The following DDX50 variants were observed in gnomAD, a reference collection of about 807,000 sequenced individuals.
DDX50 encodes DExD-box helicase 50, also known as ATP-dependent RNA helicase DDX50.
Under a neutral mutation model 94.8 loss-of-function variants are expected in DDX50, and 56 were observed. The ratio of observed to expected loss-of-function variants is 0.59; its 90% CI spans 0.48 to 0.74. The LOEUF (loss-of-function observed/expected upper bound fraction) is 0.74, where lower values mean the gene tolerates loss of function less well. DDX50 is among the 30% of genes least tolerant of loss of function. The probability of loss-of-function intolerance (pLI) is 0.00; values close to 1 mark genes in which losing one functional copy is unlikely to be tolerated. For synonymous variants in DDX50, 264 were observed against 295.4 expected (o/e 0.89, Z 1.09); for missense variants, 713 against 881.2 (o/e 0.81, Z 2.42).
At chr10:68,929,809 C>T (rs568351404) in intron 8 of DDX50, among the ~76,000 whole-genome samples, 1 of 150,766 alleles carries the variant, frequency 6.6e-6, no homozygotes, top group South Asian at 2.1e-4. Context: ...TCACTGAAAC[C>T]TCCGTCCTCT....
intron 4 of DDX50, among the ~76,000 whole-genome samples, chr10:68,912,163 A>G (rs1841642723): frequency 6.6e-6 from 1 of 152,132 alleles, no homozygotes; most frequent in African/African-American, 2.4e-5. Flanking sequence ...AAAAGACTGA[A>G]ATAGGACATA....
chr10:68,939,867 C>T, intron 12 of DDX50, among the ~76,000 whole-genome samples: 1 of 126,198 alleles, frequency 7.9e-6, no homozygotes, highest in Non-Finnish European at 1.6e-5. Flanking sequence ...ACCCCACATA[C>T]AGGTGTAGGT....
chr10:68,921,679 A>G (rs1277283376), intron 8 of DDX50, among the ~76,000 whole-genome samples: 1 of 152,184 alleles, frequency 6.6e-6, no homozygotes, highest in African/African-American at 2.4e-5. Flanking sequence ...TTCCTGAGAA[A>G]GGGCTTATGG....
chr10:68,935,825 ACT>A (rs1219776455), intron 10 of DDX50, among the ~76,000 whole-genome samples, 179 bp from the exon 11 acceptor site: 1 of 152,164 alleles, frequency 6.6e-6, no homozygotes, highest in African/African-American at 2.4e-5. Flanking sequence ...ACAGAGCAAG[ACT>A]CTGTGTCAAA....
At chr10:68,908,848 G>A (rs1432519210) in intron 2 of DDX50, among the ~76,000 whole-genome samples, 1 of 151,948 alleles carries the variant, frequency 6.6e-6, no homozygotes, top group Non-Finnish European at 1.5e-5. Flanking sequence ...CATTCACTAT[G>A]TTGCCCAGAC....
In DDX50 at chr10:68,934,763, A is replaced by G. The variant is rs761377520; in HGVS notation, c.1402-36A>G. Reference sequence around the variant, plus strand: ...GATTCCGGAATGACTGCAACTTGCTAGATTTTTAAAAAATATTACCTTTTA... The same window carrying G: ...GATTCCGGAATGACTGCAACTTGCTGGATTTTTAAAAAATATTACCTTTTA... On this transcript the variant is annotated intron_variant, in intron 9 of 14. Transcript: ENST00000373585. The surrounding 1 kb of genome is among the most constrained non-coding windows in gnomAD (Gnocchi z 4.0). The G allele has an allele frequency of 1.3e-6, 2 of 1,563,634 alleles. No homozygotes were observed. Among genetic ancestry groups the G allele is most frequent in the Admixed American group, 2.1e-5 (1 of 48,322 alleles).
intron 1 of DDX50, among the ~76,000 whole-genome samples, 165 bp from the exon 2 acceptor site, chr10:68,906,546 A>T (rs1276136392): frequency 6.6e-6 from 1 of 152,212 alleles, no homozygotes; most frequent in African/African-American, 2.4e-5. Flanking sequence ...GCAACAGTTG[A>T]GGCTTAGAGC....
At chr10:68,939,439 T>A (rs1286561861) in intron 12 of DDX50, among the ~76,000 whole-genome samples, 1 of 152,200 alleles carries the variant, frequency 6.6e-6, no homozygotes, top group African/African-American at 2.4e-5. Flanking sequence ...TTAGTGGCTT[T>A]AAATTTCTTT....
chr10:68,901,334 C>T lies in DDX50; in HGVS notation c.-51C>T, dbSNP rs751546108. The T allele has an allele frequency of 1.4e-6, 2 of 1,481,052 alleles. No individual in the cohort carries two copies. Among genetic ancestry groups the T allele is most frequent in the Non-Finnish European group, 1.8e-6 (2 of 1,106,224 alleles). The allele number at this position is 1,481,052 out of a possible 1,614,324, so 91.7% of individuals were successfully genotyped here. A position where few individuals can be genotyped will look rare whatever the true frequency, so the allele number is the denominator to read the frequency against. On this transcript the variant is annotated 5_prime_UTR_variant, in exon 1 of 15. Transcript: ENST00000373585. ...CCGCTTCCTTTCACGCTGTCGCTGC[C>T]CGTAGGTGGTTGTGGCCACTGTGCC...
rs1261998646 is a variant in DDX50 at position 68,931,432 on chromosome 10, A to ACACACACACACACACACAC, written c.1240-2767_1240-2766insCACACACACACACACACAC. On this transcript the variant is annotated intron_variant, in intron 8 of 14. Transcript: ENST00000373585. The stretch of plus-strand genomic sequence containing the variant: ...ATATGTATATATATATATATACACA[A>ACACACACACACACACACAC]ACACACACACACACAATTTTTTTTT... 6.9e-3 allele frequency among the ~76,000 whole-genome samples: 426 copies of ACACACACACACACACACAC among 61,376 alleles called. 7 individuals are homozygous for ACACACACACACACACACAC. Among genetic ancestry groups the ACACACACACACACACACAC allele is most frequent in the South Asian group, 0.022 (42 of 1,906 alleles). 40.3% of individuals were successfully genotyped at this position (61,376 alleles called of 152,430 possible).
At chr10:68,942,128 GTAGT>G (rs1842568056) in intron 13 of DDX50, among the ~76,000 whole-genome samples, 1 of 152,184 alleles carries the variant, frequency 6.6e-6, no homozygotes, top group African/African-American at 2.4e-5. Flanking sequence ...TATGATTGCA[GTAGT>G]TAAACAGCTC....
chr10:68,928,190 C>A (rs954654367), intron 8 of DDX50, among the ~76,000 whole-genome samples: 5 of 151,890 alleles, frequency 3.3e-5, no homozygotes, highest in African/African-American at 1.2e-4. Flanking sequence ...TGGGACACAC[C>A]TGTGGTCCAA....
At chr10:68,916,655 T>A (rs1171278804) in intron 7 of DDX50, among the ~76,000 whole-genome samples, 1 of 152,198 alleles carries the variant, frequency 6.6e-6, no homozygotes, top group African/African-American at 2.4e-5. Flanking sequence ...AAGGGCTCTT[T>A]AAAACCACAG....
Position 68,913,474 on chromosome 10 carries a change from C to G in DDX50, c.841C>G (p.Leu281Val), listed in dbSNP as rs1424422442. 1.2e-6 allele frequency: 2 copies of G among 1,613,996 alleles called. No individual in the cohort carries two copies. Among genetic ancestry groups the G allele is most frequent in the African/African-American group, 2.7e-5 (2 of 74,916 alleles). Residue 281 changes from leucine to valine, a missense_variant, in exon 6 of 15, where the codon CTT becomes GTT. Transcript: ENST00000373585. The part of the protein sequence containing the change: ...KDHLQSGRLD[L>V]SKLRHVVLDE... ...CCATCTGCAGAGTGGCCGATTGGAT[C>G]TTTCTAAACTGCGACATGTTGTGCT...
At chr10:68,910,274 A>T in intron 2 of DDX50, 33 bp from the exon 3 acceptor site, 1 of 1,517,468 alleles carries the variant, frequency 6.6e-7, no homozygotes. Context: ...AGTTGAGTAT[A>T]AATTATTTAG....
At chr10:68,910,895 C>T (rs963311150) in intron 3 of DDX50, among the ~76,000 whole-genome samples, 173 bp from the exon 4 acceptor site, 7 of 152,080 alleles carry the variant, frequency 4.6e-5, no homozygotes, top group Admixed American at 2.6e-4. Flanking sequence ...ATGCATTCGT[C>T]AAAAGTTTAG....
rs572936120 is a variant in DDX50, at chr10:68,917,172, T to C, written c.1090-2660T>C. Among the ~76,000 whole-genome samples, 6 of 152,068 alleles carry C rather than the reference T, an allele frequency of 3.9e-5. No homozygotes were observed. The East Asian group carries it at 9.7e-4, about 25-fold the overall frequency. The stretch of plus-strand genomic sequence containing the variant: ...TGCAATTTTCTGTTGAAAAAACTCA[T>C]TTGTTGGCCAGGCGCAGTGGCTCAC... On this transcript the variant is annotated intron_variant, in intron 7 of 14. Transcript: ENST00000373585.
In DDX50 at chr10:68,937,091, A is replaced by T; in HGVS notation, c.1751A>T (p.Asp584Val). ...SFEPRSLITS[D>V]KGFVTMTLES... ...GAACCACGATCTTTGATCACCTCTG[A>T]TAAGGTAGAAATCTGTGAGAAAATT... The change falls in exon 12 of 15, where the codon GAT becomes GTT. Residue 584 changes from aspartate to valine, a missense_variant. By Grantham distance (152) the Asp-to-Val change is radical. Around this residue, in one of 2 missense-constraint regions of DDX50, gnomAD observed 428 missense variants for 602.3 expected, o/e 0.71. Transcript: ENST00000373585. 6.2e-7 allele frequency: 1 copy of T among 1,603,130 alleles called. No homozygotes were observed. The highest frequency in any genetic ancestry group is 1.7e-5 in the Admixed American group (1 of 58,802).
At chr10:68,918,243 A>G (rs926740586) in intron 7 of DDX50, among the ~76,000 whole-genome samples, 4 of 151,958 alleles carry the variant, frequency 2.6e-5, no homozygotes, top group African/African-American at 7.2e-5. Flanking sequence ...CTTTAACTAG[A>G]GTGCCATATT....
Sources: allele counts gnomAD v4.1 joint callset (sites outside exome capture counted in the v4.1 genomes callset), GRCh38; gene constraint gnomAD v4.1.1; regional missense constraint gnomAD v4.1.1; non-coding constraint Gnocchi (gnomAD v3.1); transcripts MANE v1.5; gene names NCBI Gene and HGNC (gene_info 2026-07-23, HGNC 2026-07-21).